The following SMG6 variants were observed in gnomAD, a reference collection of about 807,000 sequenced individuals.
SMG6 encodes SMG6 nonsense mediated mRNA decay factor, also known as telomerase-binding protein EST1A.
A neutral mutation model predicts 142.2 loss-of-function variants in SMG6; 66 were observed. The ratio of observed to expected loss-of-function variants is 0.46; its 90% CI spans 0.38 to 0.57. SMG6 has a LOEUF of 0.57. Among genes scored for constraint, SMG6 ranks in the 20% least tolerant of loss-of-function variants. SMG6 has a pLI of 0.00. For missense variants in SMG6, 1,793 were observed against 1,832.0 expected, an observed-to-expected ratio of 0.98 and a Z score of 0.39; for synonymous variants, 779 against 702.4, an observed-to-expected ratio of 1.11 and a Z score of -1.72.
At chr17:2,151,839 G>A (rs928378728) in intron 13 of SMG6, among the ~76,000 whole-genome samples, 8 of 152,130 alleles carry the variant, frequency 5.3e-5, no homozygotes, top group Non-Finnish European at 1.0e-4. Context: ...CCATTGCCTC[G>A]GGGGCCTGTC....
chr17:2,256,256 G>A (rs2074177555), intron 8 of SMG6: 1 of 152,332 alleles, frequency 6.6e-6, no homozygotes, highest in Non-Finnish European at 1.5e-5. Flanking sequence ...GAGGGGTTGG[G>A]TGGAGTCAAG....
Position 2,299,353 on chromosome 17 carries a change from A to G in SMG6, c.1400T>C (p.Leu467Pro). ...DPNNPDQKPALKTQTPQLHFL... is the reference protein window; with the variant it reads ...DPNNPDQKPAPKTQTPQLHFL... Reference sequence around the variant, plus strand: ...ATGTAGCTGGGGCGTCTGAGTCTTTAGAGCAGGTTTCTGATCAGGATTGTT... The same window carrying G: ...ATGTAGCTGGGGCGTCTGAGTCTTTGGAGCAGGTTTCTGATCAGGATTGTT... The change falls in exon 2 of 19, where the codon CTA (leucine) becomes CCA (proline). Residue 467 changes from leucine to proline, a missense_variant. By Grantham distance (98) the Leu-to-Pro change is moderately conservative (BLOSUM62 -3). Around this residue, in one of 3 missense-constraint regions of SMG6, gnomAD observed 1,597 missense variants for 1,584.6 expected, o/e 1.01. Coordinates refer to ENST00000263073, the MANE Select transcript of SMG6 (RefSeq NM_017575.5). This position sits in a 1 kb window ranked among gnomAD's most constrained non-coding sequence, Gnocchi z 4.3. 6.2e-7 allele frequency: 1 copy of G among 1,614,062 alleles called. No homozygotes were observed. The highest frequency in any genetic ancestry group is 1.1e-5 in the South Asian group (1 of 91,084).
chr17:2,193,091 G>A (rs890031161), intron 10 of SMG6, among the ~76,000 whole-genome samples: 5 of 152,300 alleles, frequency 3.3e-5, no homozygotes, highest in East Asian at 1.9e-4. Context: ...CAAATCTCAC[G>A]TCGAATTGTA....
intron 12 of SMG6, among the ~76,000 whole-genome samples, chr17:2,184,857 C>T (rs1353337104): frequency 7.4e-6 from 1 of 134,556 alleles, no homozygotes; most frequent in Admixed American, 8.2e-5. Flanking sequence ...CCCAGCTACT[C>T]GGGAGGCTGA....
chr17:2,078,820 T>C (rs1250524509), intron 15 of SMG6, among the ~76,000 whole-genome samples: 2 of 152,110 alleles, frequency 1.3e-5, no homozygotes, highest in Non-Finnish European at 2.9e-5. Context: ...CATTCATCGA[T>C]GCTGAAGGGA....
At chr17:2,149,635 G>A (rs2070769743) in intron 13 of SMG6, among the ~76,000 whole-genome samples, 1 of 152,172 alleles carries the variant, frequency 6.6e-6, no homozygotes, top group Non-Finnish European at 1.5e-5. Context: ...GGCACTCCTT[G>A]ACATCGTGGT....
chr17:2,233,104 G>A (rs1725050208), intron 10 of SMG6: 1 of 152,258 alleles, frequency 6.6e-6, no homozygotes, highest in Admixed American at 6.5e-5. Flanking sequence ...GGTAGCATTA[G>A]AGGCACCAGC....
intron 13 of SMG6, among the ~76,000 whole-genome samples, chr17:2,094,384 ACG>A (rs1469596025): frequency 6.6e-6 from 1 of 152,184 alleles, no homozygotes; most frequent in Non-Finnish European, 1.5e-5. Context: ...GGCTACAGGC[ACG>A]TGCCACCACA....
intron 8 of SMG6, among the ~76,000 whole-genome samples, chr17:2,257,372 C>A (rs2151326090): frequency 6.6e-6 from 1 of 152,156 alleles, no homozygotes; most frequent in Non-Finnish European, 1.5e-5. Flanking sequence ...GCCACTGCGC[C>A]CGGCCAAAAG....
intron 12 of SMG6, among the ~76,000 whole-genome samples, chr17:2,185,581 T>C (rs1303960813): frequency 2.0e-5 from 3 of 151,898 alleles, no homozygotes; most frequent in Non-Finnish European, 4.4e-5. Context: ...CTCCAACACC[T>C]GCCCCCGCCC....
In SMG6 at chr17:2,074,633, C is replaced by G. The variant is rs565038174; in HGVS notation, c.3682-5702G>C. On this transcript the variant is annotated intron_variant, in intron 15 of 18. Coordinates refer to ENST00000263073, the MANE Select transcript of SMG6 (RefSeq NM_017575.5). ...TAGGAGGACTCATCTTATTTTCAAACTAGACTGTCAAGTGCTCAAGGAGAA... is the reference window on the plus strand; with the variant it reads ...TAGGAGGACTCATCTTATTTTCAAAGTAGACTGTCAAGTGCTCAAGGAGAA... Among the ~76,000 whole-genome samples, 3 of 152,334 alleles carry G rather than the reference C, an allele frequency of 2.0e-5. No homozygotes were observed. The South Asian group carries it at 6.2e-4, about 32-fold the overall frequency.
chr17:2,221,221 TG>T (rs2073160601), intron 10 of SMG6, among the ~76,000 whole-genome samples: 1 of 152,062 alleles, frequency 6.6e-6, no homozygotes, highest in South Asian at 2.1e-4. Context: ...GTGCTGGAGG[TG>T]GGGCCTGGTA....
intron 8 of SMG6, among the ~76,000 whole-genome samples, chr17:2,252,244 T>C (rs1342307979): frequency 6.6e-6 from 1 of 152,052 alleles, no homozygotes; most frequent in Non-Finnish European, 1.5e-5. Flanking sequence ...ACCCCGTCTC[T>C]ACTAAAAATA....
intron 8 of SMG6, among the ~76,000 whole-genome samples, chr17:2,247,715 G>A (rs57762486): frequency 2.0e-5 from 3 of 152,088 alleles, no homozygotes; most frequent in Non-Finnish European, 4.4e-5. Context: ...CTTGGGAGGC[G>A]GAGACTGCAG....
At chr17:2,262,988 C>G (rs1375435687) in intron 8 of SMG6, among the ~76,000 whole-genome samples, 1 of 151,628 alleles carries the variant, frequency 6.6e-6, no homozygotes, top group African/African-American at 2.4e-5. Context: ...TTATTTTAGG[C>G]AACATACAAA....
intron 12 of SMG6, among the ~76,000 whole-genome samples, chr17:2,181,015 G>A (rs981845789): frequency 3.3e-5 from 5 of 152,170 alleles, no homozygotes; most frequent in African/African-American, 1.2e-4. Context: ...GCAGCAACAA[G>A]GACTTTACAA....
intron 13 of SMG6, among the ~76,000 whole-genome samples, chr17:2,140,983 G>T (rs1178622455): frequency 6.6e-6 from 1 of 152,222 alleles, no homozygotes; most frequent in African/African-American, 2.4e-5. Flanking sequence ...CAAGTTCCCA[G>T]GTGAATCTGA....
At chr17:2,195,869 T>C (rs1248857027) in intron 10 of SMG6, among the ~76,000 whole-genome samples, 3 of 152,082 alleles carry the variant, frequency 2.0e-5, no homozygotes, top group Non-Finnish European at 4.4e-5. Context: ...CCCACATTGT[T>C]TGCATATCTG....
At chr17:2,082,444 G>C (rs2068450420) in intron 14 of SMG6, 1 of 162,574 alleles carries the variant, frequency 6.2e-6, no homozygotes, top group South Asian at 1.7e-4. Context: ...GCCGCAGACA[G>C]CATCAGGGAC....
Sources: allele counts gnomAD v4.1 joint callset (sites outside exome capture counted in the v4.1 genomes callset), GRCh38; gene constraint gnomAD v4.1.1; regional missense constraint gnomAD v4.1.1; non-coding constraint Gnocchi (gnomAD v3.1); transcripts MANE v1.5; gene names NCBI Gene and HGNC (gene_info 2026-07-23, HGNC 2026-07-21).